Variants in ST7 observed in about 807,000 individuals in gnomAD.
ST7 encodes suppressor of tumorigenicity 7 protein.
Under a neutral mutation model 78.7 loss-of-function variants are expected in ST7, and 28 were observed. The observed-to-expected ratio is 0.36, with a 90% CI of 0.26 to 0.49. The LOEUF (loss-of-function observed/expected upper bound fraction) is 0.49, where lower values mean the gene tolerates loss of function less well. Ranked by LOEUF, ST7 falls within the 20% of genes least tolerant of loss-of-function variation. ST7 has a pLI of 0.99. For synonymous variants in ST7, 247 were observed against 249.6 expected (o/e 0.99, Z 0.10); for missense variants, 418 against 696.0 (o/e 0.60, Z 4.49).
At chr7:117,140,055 T>C (rs6943145) in intron 9 of ST7, among the ~76,000 whole-genome samples, 2,871 of 152,324 alleles carry the variant, frequency 0.019, 84 homozygotes, top group African/African-American at 0.064. Context: ...TTTTCTTGAG[T>C]GCTTAAGCAA....
At chr7:117,205,410 C>G (rs1791659392) in intron 12 of ST7, among the ~76,000 whole-genome samples, 1 of 151,986 alleles carries the variant, frequency 6.6e-6, no homozygotes, top group African/African-American at 2.4e-5. Flanking sequence ...TTTATTTATA[C>G]TTTTGCTAAT....
At chr7:117,028,742 G>T (rs1324909783) in intron 1 of ST7, among the ~76,000 whole-genome samples, 1 of 152,168 alleles carries the variant, frequency 6.6e-6, no homozygotes, top group Non-Finnish European at 1.5e-5. Flanking sequence ...TTCTCATGAA[G>T]GGTCTCTTGC....
intron 1 of ST7, among the ~76,000 whole-genome samples, chr7:117,045,900 A>T (rs1292092123): frequency 6.6e-6 from 1 of 152,222 alleles, no homozygotes. Context: ...CCTTTCAGTT[A>T]AAGGGAAATC....
intron 10 of ST7, among the ~76,000 whole-genome samples, chr7:117,176,866 G>A (rs1389539114): frequency 6.6e-6 from 1 of 152,188 alleles, no homozygotes; most frequent in African/African-American, 2.4e-5. Flanking sequence ...AAATTTGGCT[G>A]CATATTAGAA....
chr7:117,156,571 G>A (rs922835018), intron 9 of ST7, among the ~76,000 whole-genome samples: 1 of 152,130 alleles, frequency 6.6e-6, no homozygotes, highest in Non-Finnish European at 1.5e-5. Context: ...AAGCCATGAT[G>A]TTGAATAGGA....
At chr7:117,200,872 ACT>A (rs1810780569) in intron 12 of ST7, among the ~76,000 whole-genome samples, 3 of 151,358 alleles carry the variant, frequency 2.0e-5, no homozygotes, top group Admixed American at 6.6e-5. Context: ...TAATCTAGAA[ACT>A]CTAATTTCAT....
chr7:116,979,877 C>T (rs1295968264), intron 1 of ST7, among the ~76,000 whole-genome samples: 1 of 151,788 alleles, frequency 6.6e-6, no homozygotes, highest in African/African-American at 2.4e-5. Flanking sequence ...ACACCATGCT[C>T]CATTCAAAGT....
chr7:117,125,250 T>C (rs1803739014), intron 3 of ST7, among the ~76,000 whole-genome samples: 1 of 152,086 alleles, frequency 6.6e-6, no homozygotes, highest in South Asian at 2.1e-4. Flanking sequence ...AATTTCCACA[T>C]TATTTGGTAG....
At chr7:117,216,296 G>A (rs548695046) in intron 13 of ST7, among the ~76,000 whole-genome samples, 1 of 152,280 alleles carries the variant, frequency 6.6e-6, no homozygotes, top group South Asian at 2.1e-4. Flanking sequence ...GGCACACAGA[G>A]GAAAGTGCAG....
chr7:117,085,358 C>T (rs1333423000), intron 1 of ST7, among the ~76,000 whole-genome samples: 1 of 152,154 alleles, frequency 6.6e-6, no homozygotes, highest in African/African-American at 2.4e-5. Context: ...AGAAATGTCT[C>T]ATTTTAATGG....
chr7:117,161,847 G>T (rs965312693), intron 9 of ST7, among the ~76,000 whole-genome samples: 7 of 151,906 alleles, frequency 4.6e-5, no homozygotes, highest in African/African-American at 1.7e-4. Context: ...TTATCTGCCT[G>T]CCTTGGCCTC....
chr7:117,094,979 G>A (rs1357076440), intron 1 of ST7, among the ~76,000 whole-genome samples: 1 of 152,090 alleles, frequency 6.6e-6, no homozygotes, highest in Non-Finnish European at 1.5e-5. Context: ...ACGGCACAAA[G>A]CACACCCATA....
chr7:117,094,303 G>A (rs776187897), intron 1 of ST7, among the ~76,000 whole-genome samples: 1 of 152,100 alleles, frequency 6.6e-6, no homozygotes, highest in Admixed American at 6.5e-5. Flanking sequence ...ATGGCCTACC[G>A]CTCTACCCCT....
intron 9 of ST7, among the ~76,000 whole-genome samples, chr7:117,168,662 C>T (rs572426083): frequency 2.6e-5 from 4 of 152,268 alleles, no homozygotes; most frequent in South Asian, 2.1e-4. Flanking sequence ...TAGGGAAGTT[C>T]GGACCATCAG....
At chr7:116,969,518 G>T (rs1388740042) in intron 1 of ST7, among the ~76,000 whole-genome samples, 1 of 152,176 alleles carries the variant, frequency 6.6e-6, no homozygotes, top group Admixed American at 6.5e-5. Context: ...CCCTGGCAGA[G>T]AGAGTGTTGA....
At chr7:117,095,985 T>C (rs1800998809) in intron 1 of ST7, among the ~76,000 whole-genome samples, 1 of 142,882 alleles carries the variant, frequency 7.0e-6, no homozygotes, top group Non-Finnish European at 1.5e-5. Context: ...GGGGAATCAC[T>C]TGAACCCGGG....
At chr7:116,993,799 A>G (rs1328551992) in intron 1 of ST7, among the ~76,000 whole-genome samples, 1 of 152,254 alleles carries the variant, frequency 6.6e-6, no homozygotes, top group East Asian at 1.9e-4. Flanking sequence ...AAACTTCACA[A>G]CTAGCAATAA....
At chr7:117,199,480 T>C (rs1310997226) in intron 12 of ST7, among the ~76,000 whole-genome samples, 1 of 152,154 alleles carries the variant, frequency 6.6e-6, no homozygotes, top group African/African-American at 2.4e-5. Context: ...ATATTTGAAC[T>C]ACTTTTACTT....
At chr7:117,169,802 TC>T (rs1807847012) in intron 9 of ST7, among the ~76,000 whole-genome samples, 2 of 145,590 alleles carry the variant, frequency 1.4e-5, no homozygotes, top group African/African-American at 5.3e-5. Context: ...GCCTTAGCAA[TC>T]CTTTTTTTTT....
Sources: allele counts gnomAD v4.1 joint callset (sites outside exome capture counted in the v4.1 genomes callset), GRCh38; gene constraint gnomAD v4.1.1; transcripts MANE v1.5; gene names NCBI Gene and HGNC (gene_info 2026-07-23, HGNC 2026-07-21).